Variants in MGAT4C observed in about 807,000 individuals in gnomAD.
MGAT4C encodes the protein alpha-1,3-mannosyl-glycoprotein 4-beta-N-acetylglucosaminyltransferase C.
A neutral mutation model predicts 40.1 loss-of-function variants in MGAT4C; 19 were observed. That is an observed-to-expected ratio of 0.47 (90% CI 0.33 to 0.70). The LOEUF (loss-of-function observed/expected upper bound fraction) is 0.70, where lower values mean the gene tolerates loss of function less well. Among genes scored for constraint, MGAT4C ranks in the 30% least tolerant of loss-of-function variants. The probability of loss-of-function intolerance (pLI) is 0.02; values close to 1 mark genes in which losing one functional copy is unlikely to be tolerated. For missense variants in MGAT4C, 491 were observed against 563.2 expected, an observed-to-expected ratio of 0.87 and a Z score of 1.30; for synonymous variants, 181 against 187.1, an observed-to-expected ratio of 0.97 and a Z score of 0.27.
intron 3 of MGAT4C, among the ~76,000 whole-genome samples, chr12:86,426,306 G>A (rs1041052018): frequency 1.3e-5 from 2 of 152,054 alleles, no homozygotes; most frequent in East Asian, 1.9e-4. Flanking sequence ...ATTGGCTCAC[G>A]AGTTTTCTGC....
At chr12:86,799,360 G>GA (rs1339279766) in intron 1 of MGAT4C, among the ~76,000 whole-genome samples, 1 of 151,620 alleles carries the variant, frequency 6.6e-6, no homozygotes, top group Non-Finnish European at 1.5e-5. Flanking sequence ...AACATTAATA[G>GA]AAAAAAATTT....
In MGAT4C at chr12:86,723,753, A is replaced by AT. The variant is rs1950775347; in HGVS notation, c.-229+3455dup. Among the ~76,000 whole-genome samples the AT allele has an allele frequency of 2.0e-5, 3 of 152,154 alleles. No homozygotes were observed. In the South Asian group the frequency reaches 6.2e-4, roughly 32 times the overall value. On this transcript the variant is annotated intron_variant, in intron 2 of 7. Transcript: ENST00000548651. ...GAAGGACAGTCTCCTTTTCCTTATC[A>AT]TTTTTTCTAACAGTTTAATTTTTAA...
chr12:86,684,387 T>A (rs1406518701), intron 2 of MGAT4C, among the ~76,000 whole-genome samples: 1 of 152,254 alleles, frequency 6.6e-6, no homozygotes, highest in African/African-American at 2.4e-5. Flanking sequence ...CAGCATAGTA[T>A]TCCATGGTAT....
intron 2 of MGAT4C, among the ~76,000 whole-genome samples, chr12:85,999,194 C>A (rs955951372): frequency 3.3e-5 from 5 of 152,066 alleles, no homozygotes; most frequent in Non-Finnish European, 2.9e-5. Context: ...GACCTGCCAC[C>A]ATGATTCCAT....
In MGAT4C at chr12:85,974,437, C is replaced by T. The variant is rs1046620028; in HGVS notation, c.*4852G>A. The T allele has an allele frequency of 1.3e-5, 2 of 150,516 alleles. No individual in the cohort carries two copies. The highest frequency in any genetic ancestry group is 4.2e-4 in the South Asian group (2 of 4,808). The allele number at this position is 150,516 out of a possible 1,614,324, so 9.3% of individuals were successfully genotyped here. A position where few individuals can be genotyped will look rare whatever the true frequency, so the allele number is the denominator to read the frequency against. On this transcript the variant is annotated 3_prime_UTR_variant, in exon 5 of 5. Transcript: ENST00000611864. ...CAGACACACTTACACAACACATATA[C>T]AAATACATACATGTATATATGTATA...
At chr12:86,502,136 G>A (rs1257479625) in intron 2 of MGAT4C, among the ~76,000 whole-genome samples, 4 of 152,064 alleles carry the variant, frequency 2.6e-5, no homozygotes, top group Non-Finnish European at 5.9e-5. Flanking sequence ...GATGGATATG[G>A]AATGTTATTG....
chr12:86,062,322 T>A (rs572263641), intron 1 of MGAT4C, among the ~76,000 whole-genome samples: 2 of 152,190 alleles, frequency 1.3e-5, no homozygotes, highest in African/African-American at 4.8e-5. Context: ...CAGAAAGGGA[T>A]AGCGTCAAGA....
chr12:86,578,400 G>C (rs1263069197), intron 2 of MGAT4C, among the ~76,000 whole-genome samples: 1 of 151,778 alleles, frequency 6.6e-6, no homozygotes, highest in Non-Finnish European at 1.5e-5. Context: ...AATGAATTTG[G>C]AAGTATTTCC....
intron 1 of MGAT4C, among the ~76,000 whole-genome samples, chr12:86,247,254 C>T (rs1566217033): frequency 6.6e-6 from 1 of 152,114 alleles, no homozygotes; most frequent in Non-Finnish European, 1.5e-5. Context: ...TAAGAAAGTC[C>T]ACTCAAATTT....
chr12:86,617,696 AT>A (rs1345217417), intron 2 of MGAT4C, among the ~76,000 whole-genome samples: 28 of 148,648 alleles, frequency 1.9e-4, no homozygotes, highest in Admixed American at 8.6e-4. Context: ...TCACAAAAAA[AT>A]AATTGAAAAA....
chr12:86,804,351 G>T (rs2136207469), intron 1 of MGAT4C, among the ~76,000 whole-genome samples: 1 of 148,110 alleles, frequency 6.8e-6, no homozygotes, highest in African/African-American at 2.5e-5. Flanking sequence ...CACCAGCACG[G>T]CACATGTATA....
chr12:86,816,327 T>A (rs1448215395), intron 1 of MGAT4C, among the ~76,000 whole-genome samples: 3 of 151,904 alleles, frequency 2.0e-5, no homozygotes, highest in Non-Finnish European at 4.4e-5. Flanking sequence ...TATAACTTTT[T>A]AAAAATACGT....
intron 2 of MGAT4C, among the ~76,000 whole-genome samples, chr12:86,589,134 A>G (rs907923962): frequency 1.3e-5 from 2 of 152,074 alleles, no homozygotes; most frequent in African/African-American, 4.8e-5. Flanking sequence ...TGAAAGGATC[A>G]ACAAAATTGA....
At chr12:86,302,964 G>A (rs1008475618) in intron 4 of MGAT4C, among the ~76,000 whole-genome samples, 1 of 150,604 alleles carries the variant, frequency 6.6e-6, no homozygotes, top group Non-Finnish European at 1.5e-5. Context: ...GGAATTCAGG[G>A]TCTAACTCTT....
At chr12:86,709,026 G>A (rs1375542401) in intron 2 of MGAT4C, among the ~76,000 whole-genome samples, 1 of 152,150 alleles carries the variant, frequency 6.6e-6, no homozygotes, top group Admixed American at 6.5e-5. Flanking sequence ...GAGGACATGA[G>A]ATTTGGGAGG....
At chr12:86,227,957 T>C (rs1951161587) in intron 1 of MGAT4C, among the ~76,000 whole-genome samples, 1 of 151,926 alleles carries the variant, frequency 6.6e-6, no homozygotes, top group Non-Finnish European at 1.5e-5. Context: ...CATGGCTTTT[T>C]AATATTCCTC....
At chr12:86,644,103 C>T (rs752272446) in intron 2 of MGAT4C, among the ~76,000 whole-genome samples, 4 of 151,402 alleles carry the variant, frequency 2.6e-5, no homozygotes, top group Non-Finnish European at 4.4e-5. Context: ...TTTATAATCA[C>T]TTTGATTATA....
rs77116878 is a variant in MGAT4C at position 86,245,235 on chromosome 12, C to A, written c.-57+11004G>T. Among the ~76,000 whole-genome samples the A allele has an allele frequency of 6.6e-4, 100 of 152,298 alleles. 1 individual carries two copies. The East Asian group carries it at 0.012, about 18-fold the overall frequency. On this transcript the variant is annotated intron_variant, in intron 1 of 4. Coordinates refer to ENST00000611864, the MANE Select transcript of MGAT4C (RefSeq NM_001351288.2). ...ACTCCCTGATCTCAGACACTCCGTC[C>A]AGCCCTCGAGTTCTCTTGCCAAAAA...
intron 1 of MGAT4C, among the ~76,000 whole-genome samples, chr12:86,828,407 T>C (rs1220757257): frequency 6.6e-6 from 1 of 151,524 alleles, no homozygotes; most frequent in Non-Finnish European, 1.5e-5. Context: ...ATGCATAACC[T>C]TAATATACTT....
Sources: gnomAD v4.1 joint callset for allele counts (sites outside exome capture counted in the v4.1 genomes callset) on GRCh38, gnomAD v4.1.1 for gene constraint, MANE v1.5 for transcripts, NCBI Gene and HGNC (gene_info 2026-07-23, HGNC 2026-07-21) for gene names.